Variants in ATP10A observed in about 807,000 individuals in gnomAD.
ATP10A encodes the protein phospholipid-transporting ATPase VA.
In ATP10A, 111 loss-of-function variants were observed where a neutral mutation model predicts 147.8. The observed-to-expected ratio is 0.75, with a 90% CI of 0.64 to 0.88. ATP10A has a LOEUF of 0.88. Among genes scored for constraint, ATP10A ranks in the 40% least tolerant of loss-of-function variants. The probability of loss-of-function intolerance (pLI) is 0.00; values close to 1 mark genes in which losing one functional copy is unlikely to be tolerated. For synonymous variants in ATP10A, 875 were observed against 841.6 expected, an observed-to-expected ratio of 1.04 and a Z score of -0.69; for missense variants, 1,927 against 1,959.0, an observed-to-expected ratio of 0.98 and a Z score of 0.31.
Position 25,800,150 on chromosome 15 carries a change from T to C in ATP10A, c.450-18927A>G, listed in dbSNP as rs1364181182. Among the ~76,000 whole-genome samples, 5 of 152,322 alleles carry C rather than the reference T, an allele frequency of 3.3e-5. No individual in the cohort carries two copies. In the East Asian group the frequency reaches 5.8e-4, roughly 18 times the overall value. On this transcript the variant is annotated intron_variant, in intron 1 of 20. Transcript: ENST00000555815. ...CTCAGGGATCAGGATGAACGCTATT[T>C]TAATGCAATATCTTTTACAAAACAA...
chr15:25,672,971 C>G (rs139718506), downstream of ATP10A, among the ~76,000 whole-genome samples: 1 of 152,074 alleles, frequency 6.6e-6, no homozygotes, highest in Non-Finnish European at 1.5e-5. Context: ...GACACTTGTA[C>G]GGATGTGTGC....
chr15:25,864,382 G>A (rs1031087859), upstream of ATP10A, among the ~76,000 whole-genome samples: 9 of 152,210 alleles, frequency 5.9e-5, no homozygotes, highest in African/African-American at 1.7e-4. Context: ...GGAGGCCGTG[G>A]CTGGGCGGTT....
At chr15:25,847,485 A>G (rs1430280842) in intron 1 of ATP10A, among the ~76,000 whole-genome samples, 1 of 152,252 alleles carries the variant, frequency 6.6e-6, no homozygotes, top group South Asian at 2.1e-4. Context: ...TATTTGAACA[A>G]CAATTTTAAA....
chr15:25,829,029 G>T lies in ATP10A; in HGVS notation c.449+33619C>A, dbSNP rs573694509. Reference sequence around the variant, plus strand: ...GCTGGAACATGTGCGAGAAAGGAGGGGGTAACAGACACACAACTCCAGTCT... The same window carrying T: ...GCTGGAACATGTGCGAGAAAGGAGGTGGTAACAGACACACAACTCCAGTCT... On this transcript the variant is annotated intron_variant, in intron 1 of 20. Transcript: ENST00000555815. Among the ~76,000 whole-genome samples the T allele has an allele frequency of 6.6e-5, 10 of 152,240 alleles. No homozygotes were observed. In the East Asian group the frequency reaches 1.4e-3, roughly 21 times the overall value.
At chr15:25,784,779 A>T (rs372565514) in intron 1 of ATP10A, among the ~76,000 whole-genome samples, 1,762 of 152,186 alleles carry the variant, frequency 0.012, 9 homozygotes, top group Admixed American at 0.019. Context: ...AAAATTAGCC[A>T]GGTGTGGTGG....
chr15:25,674,708 A>G (rs543790045), downstream of ATP10A, among the ~76,000 whole-genome samples: 2 of 152,338 alleles, frequency 1.3e-5, no homozygotes, highest in South Asian at 4.1e-4. Flanking sequence ...TGCAAAGTTA[A>G]CATCTGTAAA....
intron 1 of ATP10A, among the ~76,000 whole-genome samples, chr15:25,822,509 A>T (rs1891933075): frequency 6.6e-6 from 1 of 152,172 alleles, no homozygotes; most frequent in Non-Finnish European, 1.5e-5. Context: ...ACCTTTGCCT[A>T]TCGCACAATA....
chr15:25,849,322 G>C (rs1323563745), intron 1 of ATP10A, among the ~76,000 whole-genome samples: 2 of 152,168 alleles, frequency 1.3e-5, no homozygotes, highest in African/African-American at 4.8e-5. Flanking sequence ...ATCTAGCCCT[G>C]GGAGGGCCTG....
intron 2 of ATP10A, among the ~76,000 whole-genome samples, chr15:25,744,066 T>C (rs968944640): frequency 3.9e-5 from 6 of 152,252 alleles, no homozygotes; most frequent in Admixed American, 2.0e-4. Context: ...TAAACACCTA[T>C]GCTTTCTAAC....
chr15:25,800,176 A>G (rs369195358), intron 1 of ATP10A, among the ~76,000 whole-genome samples: 62 of 152,310 alleles, frequency 4.1e-4, no homozygotes, highest in Middle Eastern at 6.8e-3. Context: ...TACAAAACAA[A>G]AGGAGTGAAC....
intron 12 of ATP10A, among the ~76,000 whole-genome samples, chr15:25,706,947 A>G (rs1901062170): frequency 6.6e-6 from 1 of 152,176 alleles, no homozygotes; most frequent in South Asian, 2.1e-4. Context: ...GCCCTGCTTT[A>G]GTAAGCCAAA....
At position 25,701,975 on chromosome 15, in the gene ATP10A, A is replaced by G. The variant is rs754161865; in HGVS notation, c.2701T>C (p.Tyr901His). ...TCGTGGTCCAGCAGTTTGCAGGCAT[A>G]TGCAATGTTGACAGCTGTTTCTTGT... Reference protein sequence around the residue: ...DKQETAVNIAYACKLLDHDEE... With the variant: ...DKQETAVNIAHACKLLDHDEE... Residue 901 changes from tyrosine to histidine, a missense_variant, in exon 13 of 21, where the codon TAT becomes CAT. Transcript: ENST00000555815. The G allele has an allele frequency of 6.2e-7, 1 of 1,614,106 alleles. No individual in the cohort carries two copies. The highest frequency in any genetic ancestry group is 8.5e-7 in the Non-Finnish European group (1 of 1,179,984).
chr15:25,780,094 G>A (rs1042613049), intron 2 of ATP10A, among the ~76,000 whole-genome samples: 3 of 152,330 alleles, frequency 2.0e-5, no homozygotes, highest in South Asian at 2.1e-4. Context: ...ATCGCTCACC[G>A]CCCCACTCCC....
chr15:25,752,387 T>G (rs149730198), intron 2 of ATP10A, among the ~76,000 whole-genome samples: 4 of 152,234 alleles, frequency 2.6e-5, no homozygotes, highest in Admixed American at 6.5e-5. Context: ...CTAAGTAAAA[T>G]AAGCCAGGCA....
At chr15:25,791,690 C>T (rs1890435623) in intron 1 of ATP10A, among the ~76,000 whole-genome samples, 1 of 152,138 alleles carries the variant, frequency 6.6e-6, no homozygotes, top group African/African-American at 2.4e-5. Context: ...CCTGGCCTCC[C>T]TCACTTTTTC....
At chr15:25,845,530 G>C (rs1192318600) in intron 1 of ATP10A, among the ~76,000 whole-genome samples, 1 of 152,124 alleles carries the variant, frequency 6.6e-6, no homozygotes, top group African/African-American at 2.4e-5. Context: ...GAGAAAGTGT[G>C]GGATGACATC....
intron 1 of ATP10A, among the ~76,000 whole-genome samples, chr15:25,795,323 C>T (rs961728338): frequency 2.6e-5 from 4 of 152,066 alleles, no homozygotes; most frequent in South Asian, 4.2e-4. Context: ...GGAGGGCCTG[C>T]GCCAACTTGG....
At chr15:25,713,102 A>G (rs932236896) in intron 10 of ATP10A, among the ~76,000 whole-genome samples, 1 of 152,232 alleles carries the variant, frequency 6.6e-6, no homozygotes, top group African/African-American at 2.4e-5. Flanking sequence ...AGGCTCCTGC[A>G]GCATCCTCAC....
chr15:25,770,154 C>A (rs986458847), intron 2 of ATP10A, among the ~76,000 whole-genome samples: 3 of 150,972 alleles, frequency 2.0e-5, no homozygotes, highest in Non-Finnish European at 4.4e-5. Context: ...ACGACCCGGG[C>A]GAGGTGGGGA....
Sources: allele counts gnomAD v4.1 joint callset (sites outside exome capture counted in the v4.1 genomes callset), GRCh38; gene constraint gnomAD v4.1.1; transcripts MANE v1.5; gene names NCBI Gene and HGNC (gene_info 2026-07-23, HGNC 2026-07-21).